FAM83G: variants seen among roughly 807,000 people sequenced by gnomAD.
FAM83G encodes protein FAM83G.
FAM83G carries 38 observed loss-of-function variants against 61.5 expected under a neutral mutation model. That is an observed-to-expected ratio of 0.62 (90% CI 0.48 to 0.81). FAM83G has a LOEUF of 0.81. FAM83G is among the 30% of genes least tolerant of loss of function. The probability of loss-of-function intolerance (pLI) is 0.00; values close to 1 mark genes in which losing one functional copy is unlikely to be tolerated. For synonymous variants in FAM83G, 470 were observed against 476.1 expected (o/e 0.99, Z 0.17); for missense variants, 989 against 1,133.6 (o/e 0.87, Z 1.83).
In FAM83G at chr17:18,969,377, C is replaced by T. The variant is rs376166750; in HGVS notation, c.*1982G>A. On this transcript the variant is annotated 3_prime_UTR_variant, in exon 6 of 6. Transcript: ENST00000388995. Reference sequence around the variant, plus strand: ...TGCTGTAATCTACACGGACGCCCTGCAGACGCTCATCATGGTGGTGGGGGC... The same window carrying T: ...TGCTGTAATCTACACGGACGCCCTGTAGACGCTCATCATGGTGGTGGGGGC... The T allele has an allele frequency of 3.7e-5, 60 of 1,613,650 alleles. No homozygotes were observed. The highest frequency in any genetic ancestry group is 6.7e-5 in the Admixed American group (4 of 60,010).
chr17:18,982,550 ATAAG>A (rs1438798915), intron 3 of FAM83G, among the ~76,000 whole-genome samples: 1 of 152,202 alleles, frequency 6.6e-6, no homozygotes, highest in East Asian at 1.9e-4. Flanking sequence ...CAGTTTCCTC[ATAAG>A]TAAGAGAGGA....
rs1350597569 is a variant in FAM83G, at chr17:18,978,160, G to T, written c.1506C>A (p.Pro502=). ...GLPQGDPEPL[P]PVPKPRTVPV... Reference sequence around the variant, plus strand: ...GGACTGTCCGGGGCTTGGGCACGGGGGGCAATGGCTCAGGGTCCCCCTGGG... The same window carrying T: ...GGACTGTCCGGGGCTTGGGCACGGGTGGCAATGGCTCAGGGTCCCCCTGGG... Residue 502 remains proline, a synonymous_variant, in exon 5 of 6, where the codon CCC becomes CCA. Transcript: ENST00000388995. 1 of 1,532,116 alleles carries T rather than the reference G, an allele frequency of 6.5e-7. No homozygotes were observed. The highest frequency in any genetic ancestry group is 2.3e-5 in the East Asian group (1 of 44,276). 94.9% of individuals were successfully genotyped at this position (1,532,116 alleles called of 1,614,324 possible).
Position 18,978,262 on chromosome 17 carries a change from G to A in FAM83G, c.1404C>T (p.Ser468=). 2.5e-6 allele frequency: 4 copies of A among 1,607,362 alleles called. No individual in the cohort carries two copies. The highest frequency in any genetic ancestry group is 3.4e-6 in the Non-Finnish European group (4 of 1,176,398). Residue 468 remains serine, a synonymous_variant, in exon 5 of 6, where the codon AGC becomes AGT. Coordinates refer to ENST00000388995, the MANE Select transcript of FAM83G (RefSeq NM_001039999.3). The stretch of plus-strand genomic sequence containing the variant: ...GAGGGCAAGGCTCTGGACGGGGCCT[G>A]CTGTCCTGGCTCTGCTTCCACAGCT... ...QHQLWKQSQD[S]RPRPEPCPPP... is the part of the protein sequence containing the mutation.
In FAM83G at chr17:18,971,731, A is replaced by T; in HGVS notation, c.2100T>A (p.His700Gln). 6.4e-7 allele frequency: 1 copy of T among 1,573,434 alleles called. No individual in the cohort carries two copies. The highest frequency in any genetic ancestry group is 8.6e-7 in the Non-Finnish European group (1 of 1,157,904). Residue 700 changes from histidine (H) to glutamine (Q), a missense_variant, in exon 6 of 6, where the codon CAT (histidine) becomes CAA (glutamine). By Grantham distance (24) the His-to-Gln change is conservative. Transcript: ENST00000388995. This position sits in a 1 kb window ranked among gnomAD's most constrained non-coding sequence, Gnocchi z 5.5. ...TAGTCCCTGAGGCAGGGACCCTGTG[A>T]TGATGAAACTGCTGGCCCTGGGAGA... ...DKEAQGQQFH[H>Q]HRVPASGTRD...
Position 18,969,260 on chromosome 17 carries a change from A to G in FAM83G, c.*2099T>C. The G allele has an allele frequency of 1.3e-6, 2 of 1,578,562 alleles. No homozygotes were observed. The highest frequency in any genetic ancestry group is 1.7e-6 in the Non-Finnish European group (2 of 1,155,596). On this transcript the variant is annotated 3_prime_UTR_variant, in exon 6 of 6. Transcript: ENST00000388995. The stretch of plus-strand genomic sequence containing the variant: ...AGGGAGCAGCCCAGGAAGTGGCCCC[A>G]GCAGGAGCCCCAGAAGTTCCTCCCC...
At chr17:18,997,244 A>G (rs1259451982) in intron 2 of FAM83G, among the ~76,000 whole-genome samples, 1 of 152,148 alleles carries the variant, frequency 6.6e-6, no homozygotes, top group Non-Finnish European at 1.5e-5. Flanking sequence ...TGAGTCTCCT[A>G]CCTCCCCCAG....
intron 2 of FAM83G, among the ~76,000 whole-genome samples, chr17:18,995,768 C>A (rs1175414638): frequency 2.0e-5 from 3 of 152,044 alleles, no homozygotes; most frequent in African/African-American, 7.2e-5. Flanking sequence ...ATTAGCAGGG[C>A]ATAGTGGCAT....
intron 3 of FAM83G, among the ~76,000 whole-genome samples, chr17:18,980,108 G>C (rs555070340): frequency 2.0e-5 from 3 of 152,252 alleles, no homozygotes; most frequent in South Asian, 4.1e-4. Context: ...AGCCAGAGGA[G>C]GGCAGGAAGG....
intron 3 of FAM83G, among the ~76,000 whole-genome samples, chr17:18,981,312 C>T (rs2043126368): frequency 6.6e-6 from 1 of 152,016 alleles, no homozygotes; most frequent in Non-Finnish European, 1.5e-5. Context: ...TACAAGAGCA[C>T]CTCAGGGGAG....
At chr17:18,992,694 AG>A (rs1252664028) in intron 2 of FAM83G, among the ~76,000 whole-genome samples, 5 of 152,332 alleles carry the variant, frequency 3.3e-5, no homozygotes, top group Non-Finnish European at 5.9e-5. Flanking sequence ...CCTGCGTTCC[AG>A]GTCTCAGTTT....
chr17:18,973,161 C>T (rs1483591741), intron 5 of FAM83G, among the ~76,000 whole-genome samples: 1 of 152,234 alleles, frequency 6.6e-6, no homozygotes, highest in Non-Finnish European at 1.5e-5. Flanking sequence ...GCAAGTGGTA[C>T]CCTGCCAGGC....
Position 18,996,379 on chromosome 17 carries a change from G to C in FAM83G, c.522+7141C>G, listed in dbSNP as rs1301131638. ...CCCCCTCCCCTCCTCCTCCCCTCCA[G>C]GGGGCTGGCAGAATTAGTGACATGC... On this transcript the variant is annotated intron_variant, in intron 2 of 5. Transcript: ENST00000388995. This position sits in a 1 kb window ranked among gnomAD's most constrained non-coding sequence, Gnocchi z 4.4. Among the ~76,000 whole-genome samples, 1 of 152,030 alleles carries C rather than the reference G, an allele frequency of 6.6e-6. No individual in the cohort carries two copies. Among genetic ancestry groups the C allele is most frequent in the African/African-American group, 2.4e-5 (1 of 41,384 alleles).
At chr17:18,976,611 G>A (rs752188878) in intron 5 of FAM83G, 1 of 532,028 alleles carries the variant, frequency 1.9e-6, no homozygotes, top group Non-Finnish European at 3.3e-6. Flanking sequence ...CCTATTGACA[G>A]GTCAGGGGAC....
At position 18,969,021 on chromosome 17, in the gene FAM83G, C is replaced by A. The variant is rs746541384; in HGVS notation, c.*2338G>T. ...TGGCTTGCTGGAGCCCTGGGAATAA[C>A]AGTCCCACACAAGGCTCTCTCCCTC... On this transcript the variant is annotated 3_prime_UTR_variant, in exon 6 of 6. Coordinates refer to ENST00000388995, the MANE Select transcript of FAM83G (RefSeq NM_001039999.3). 2.5e-6 allele frequency: 4 copies of A among 1,587,162 alleles called. No individual in the cohort carries two copies. The highest frequency in any genetic ancestry group is 4.5e-5 in the East Asian group (2 of 44,550).
At position 18,971,181 on chromosome 17, in the gene FAM83G, T is replaced by C. The variant is rs1325481443; in HGVS notation, c.*178A>G. The C allele has an allele frequency of 1.2e-6, 2 of 1,613,918 alleles. No homozygotes were observed. Among genetic ancestry groups the C allele is most frequent in the Admixed American group, 3.3e-5 (2 of 60,010 alleles). On this transcript the variant is annotated 3_prime_UTR_variant, in exon 6 of 6. Transcript: ENST00000388995. The surrounding 1 kb of genome is among the most constrained non-coding windows in gnomAD (Gnocchi z 5.5). ...CCGTGGACCGGGATGACCTTTGGCC[T>C]GACCATCATGGCCACCTGGTACTGG... is the stretch of plus-strand genomic sequence containing the variant.
chr17:18,971,281 C>A lies in FAM83G; in HGVS notation c.*78G>T. Reference sequence around the variant, plus strand: ...CCGTCCCAGTGGGCTCTGGTAGGCCCAGGCGGCCTGTCTGCCCTCCGCGTC... The same window carrying A: ...CCGTCCCAGTGGGCTCTGGTAGGCCAAGGCGGCCTGTCTGCCCTCCGCGTC... On this transcript the variant is annotated 3_prime_UTR_variant, in exon 6 of 6. Transcript: ENST00000388995. The surrounding 1 kb of genome is among the most constrained non-coding windows in gnomAD (Gnocchi z 5.5). The A allele has an allele frequency of 6.2e-7, 1 of 1,610,244 alleles. No individual in the cohort carries two copies. The highest frequency in any genetic ancestry group is 8.5e-7 in the Non-Finnish European group (1 of 1,177,402).
intron 2 of FAM83G, among the ~76,000 whole-genome samples, chr17:18,998,734 AT>A (rs1207806511): frequency 6.6e-6 from 1 of 152,186 alleles, no homozygotes; most frequent in African/African-American, 2.4e-5. Context: ...GGATTACTTT[AT>A]CAGATGGTTC....
At chr17:18,992,478 C>G (rs575683778) in intron 2 of FAM83G, among the ~76,000 whole-genome samples, 12 of 152,340 alleles carry the variant, frequency 7.9e-5, no homozygotes, top group African/African-American at 2.9e-4. Flanking sequence ...CCACTGCCCC[C>G]CAGCAGACAC....
chr17:18,992,568 G>A (rs1597876701), intron 2 of FAM83G, among the ~76,000 whole-genome samples: 1 of 152,216 alleles, frequency 6.6e-6, no homozygotes, highest in Non-Finnish European at 1.5e-5. Flanking sequence ...GAGCACAGGC[G>A]TGGGCCTCCT....
Sources: allele counts gnomAD v4.1 joint callset (sites outside exome capture counted in the v4.1 genomes callset), GRCh38; gene constraint gnomAD v4.1.1; non-coding constraint Gnocchi (gnomAD v3.1); transcripts MANE v1.5; gene names NCBI Gene and HGNC (gene_info 2026-07-23, HGNC 2026-07-21).